KAZN: variants seen among roughly 807,000 people sequenced by gnomAD.
KAZN encodes kazrin.
KAZN carries 40 observed loss-of-function variants against 87.4 expected under a neutral mutation model. That is an observed-to-expected ratio of 0.46 (90% confidence interval 0.36 to 0.60). The LOEUF (loss-of-function observed/expected upper bound fraction) is 0.60. Among genes scored for constraint, KAZN ranks in the 20% least tolerant of loss-of-function variants. The pLI is 0.00. For missense variants in KAZN, 898 were observed against 1,073.9 expected (o/e 0.84, Z 2.29); for synonymous variants, 466 against 458.3 (o/e 1.02, Z -0.22).
chr1:14,804,643 G>C (rs1201545936), intron 1 of KAZN, among the ~76,000 whole-genome samples: 1 of 152,206 alleles, frequency 6.6e-6, no homozygotes, highest in Non-Finnish European at 1.5e-5. Flanking sequence ...CTTTGCAATG[G>C]AAAAAGAGGC....
At chr1:14,739,385 A>AT (rs1394416592) in intron 1 of KAZN, among the ~76,000 whole-genome samples, 3 of 151,998 alleles carry the variant, frequency 2.0e-5, no homozygotes, top group African/African-American at 7.2e-5. Context: ...AGGTGCTGGC[A>AT]TCGGAAGTAC....
chr1:14,390,591 A>C (rs1329571628), intron 2 of KAZN: 1 of 152,268 alleles, frequency 6.6e-6, no homozygotes, highest in Admixed American at 6.5e-5. Context: ...AGTAAACACC[A>C]GAGTAGCTGG....
intron 1 of KAZN, among the ~76,000 whole-genome samples, chr1:14,944,617 A>G (rs1018396334): frequency 6.6e-6 from 1 of 152,164 alleles, no homozygotes; most frequent in Non-Finnish European, 1.5e-5. Context: ...CAGGTGGGGA[A>G]CTGGGCTTGG....
chr1:14,063,333 A>G (rs539078236), intron 1 of KAZN, among the ~76,000 whole-genome samples: 34 of 152,230 alleles, frequency 2.2e-4, no homozygotes, highest in Non-Finnish European at 4.1e-4. Context: ...AACAATAATT[A>G]TAATGAAAAA....
chr1:13,925,794 G>A (rs1226008106), intron 1 of KAZN, among the ~76,000 whole-genome samples: 1 of 152,234 alleles, frequency 6.6e-6, no homozygotes, highest in East Asian at 1.9e-4. Context: ...AGAGAGTCCA[G>A]GTTGGGAAGA....
At chr1:13,964,882 G>A (rs562864698) in intron 1 of KAZN, among the ~76,000 whole-genome samples, 9 of 152,326 alleles carry the variant, frequency 5.9e-5, no homozygotes, top group African/African-American at 1.4e-4. Context: ...CAGGCTGGCA[G>A]GGAAAGCTCT....
chr1:14,042,398 C>G (rs948105727), intron 1 of KAZN, among the ~76,000 whole-genome samples: 1 of 152,180 alleles, frequency 6.6e-6, no homozygotes, highest in Non-Finnish European at 1.5e-5. Flanking sequence ...ACCTGTAGAA[C>G]ATTCTCCCTG....
At chr1:14,496,441 T>G (rs951895103) in intron 2 of KAZN, among the ~76,000 whole-genome samples, 4 of 152,142 alleles carry the variant, frequency 2.6e-5, no homozygotes, top group African/African-American at 9.7e-5. Flanking sequence ...TTAACCACAG[T>G]GTTAGGGGGC....
chr1:14,355,798 T>C (rs906488746), intron 2 of KAZN, among the ~76,000 whole-genome samples: 8 of 152,260 alleles, frequency 5.3e-5, no homozygotes, highest in African/African-American at 1.7e-4. Context: ...CCATGGTGTA[T>C]ATGTGCCACA....
intron 2 of KAZN, among the ~76,000 whole-genome samples, chr1:14,985,403 T>C (rs559202257): frequency 2.0e-5 from 3 of 150,866 alleles, no homozygotes; most frequent in African/African-American, 7.3e-5. Context: ...ATGGTGGCAC[T>C]CACCTGTGGT....
intron 1 of KAZN, among the ~76,000 whole-genome samples, chr1:14,179,710 T>C (rs1333889280): frequency 3.3e-5 from 5 of 152,180 alleles, no homozygotes; most frequent in Non-Finnish European, 7.3e-5. Context: ...TTCAACAGTA[T>C]TTATTAAGCA....
chr1:14,140,679 C>A (rs913718153), intron 1 of KAZN, among the ~76,000 whole-genome samples: 1 of 152,066 alleles, frequency 6.6e-6, no homozygotes, highest in Non-Finnish European at 1.5e-5. Context: ...TTCTTACACA[C>A]GTGTAAGCTG....
In KAZN at chr1:14,149,277, A is replaced by ATTT. The variant is rs3033858; in HGVS notation, c.92-31149_92-31147dup. On this transcript the variant is annotated intron_variant, in intron 1 of 16. Transcript: ENST00000636203. ...CCACCACGCCCAGCTAATTTTTTGT[A>ATTT]TTTTTTTTTTTGGTAGAGATGAGGT... Among the ~76,000 whole-genome samples the ATTT allele has an allele frequency of 7.9e-3, 1,116 of 142,034 alleles. 15 individuals are homozygous for ATTT. The highest frequency in any genetic ancestry group is 0.026 in the African/African-American group (995 of 38,592). 93.2% of individuals were successfully genotyped at this position (142,034 alleles called of 152,430 possible).
At chr1:14,576,345 A>C (rs1437147625) in intron 2 of KAZN, among the ~76,000 whole-genome samples, 1 of 147,630 alleles carries the variant, frequency 6.8e-6, no homozygotes, top group Non-Finnish European at 1.5e-5. Context: ...CGGACAGATA[A>C]ATAGATGGGT....
chr1:14,488,957 C>T (rs1669497778), intron 2 of KAZN, among the ~76,000 whole-genome samples: 1 of 152,162 alleles, frequency 6.6e-6, no homozygotes, highest in Non-Finnish European at 1.5e-5. Context: ...CAGCACTGTG[C>T]CTTATTCACG....
At chr1:14,265,835 T>C (rs1486388535) in intron 2 of KAZN, among the ~76,000 whole-genome samples, 1 of 152,214 alleles carries the variant, frequency 6.6e-6, no homozygotes, top group Non-Finnish European at 1.5e-5. Context: ...CAGGTGGTGA[T>C]TTGCCCTTTT....
chr1:14,647,327 T>A (rs925860861), intron 1 of KAZN, among the ~76,000 whole-genome samples: 65 of 152,236 alleles, frequency 4.3e-4, no homozygotes, highest in African/African-American at 1.5e-3. Context: ...TTTGCTGTCT[T>A]GCTAAATTTT....
At chr1:14,304,555 T>G (rs1654784839) in intron 2 of KAZN, 2 of 398,160 alleles carry the variant, frequency 5.0e-6, no homozygotes, top group African/African-American at 4.1e-5. Flanking sequence ...GTCTATTTCT[T>G]GGCCTTATGT....
chr1:14,770,489 G>A (rs1433992431), intron 1 of KAZN, among the ~76,000 whole-genome samples: 1 of 152,104 alleles, frequency 6.6e-6, no homozygotes, highest in African/African-American at 2.4e-5. Flanking sequence ...CTGTAAGGAG[G>A]TGATACTATT....
Sources: allele counts gnomAD v4.1 joint callset (sites outside exome capture counted in the v4.1 genomes callset), GRCh38; gene constraint gnomAD v4.1.1; transcripts MANE v1.5; gene names NCBI Gene and HGNC (gene_info 2026-07-23, HGNC 2026-07-21).